Variants in MLLT3 observed in about 807,000 individuals in gnomAD.
MLLT3 encodes protein AF-9.
A neutral mutation model predicts 53.2 loss-of-function variants in MLLT3; 4 were observed. The observed-to-expected ratio is 0.08, with a 90% CI of 0.04 to 0.17. MLLT3 has a LOEUF of 0.17. Ranked by LOEUF, MLLT3 falls within the 10% of genes least tolerant of loss-of-function variation. MLLT3 has a pLI of 1.00. For synonymous variants in MLLT3, 283 were observed against 230.6 expected (o/e 1.23, Z -2.06); for missense variants, 569 against 684.0 (o/e 0.83, Z 1.87).
chr9:20,531,530 T>C (rs1009993296), intron 2 of MLLT3, among the ~76,000 whole-genome samples: 1 of 152,216 alleles, frequency 6.6e-6, no homozygotes, highest in Non-Finnish European at 1.5e-5. Context: ...TGAGATTTCA[T>C]CCTGCTGGCA....
At chr9:20,506,174 T>TC (rs937609910) in intron 2 of MLLT3, among the ~76,000 whole-genome samples, 1 of 151,888 alleles carries the variant, frequency 6.6e-6, no homozygotes, top group Non-Finnish European at 1.5e-5. Context: ...CCTGTCTCAG[T>TC]CCCCCAAGTA....
Position 20,400,361 on chromosome 9 carries a change from T to G in MLLT3, c.1125+13360A>C, listed in dbSNP as rs113295930. 4.6e-5 allele frequency among the ~76,000 whole-genome samples: 7 copies of G among 152,306 alleles called. 1 individual carries two copies. Among genetic ancestry groups the G allele is most frequent in the African/African-American group, 1.7e-4 (7 of 41,580 alleles). On this transcript the variant is annotated intron_variant, in intron 5 of 10. Coordinates refer to ENST00000380338, the MANE Select transcript of MLLT3 (RefSeq NM_004529.4). ...TACAAATTGCAAGATGTGAACTTTA[T>G]TTAGATTTCAATTCAAACAAAATGT...
At chr9:20,370,604 G>A (rs978268593) in intron 5 of MLLT3, among the ~76,000 whole-genome samples, 1 of 151,818 alleles carries the variant, frequency 6.6e-6, no homozygotes. Context: ...TCTGCCTTCC[G>A]GGTTCAAGCC....
At chr9:20,585,017 T>C (rs1468152794) in intron 2 of MLLT3, among the ~76,000 whole-genome samples, 2 of 152,238 alleles carry the variant, frequency 1.3e-5, no homozygotes, top group African/African-American at 4.8e-5. Flanking sequence ...CTCATTTGAG[T>C]AAATACTTTG....
chr9:20,497,876 T>A (rs1002548213), intron 2 of MLLT3, among the ~76,000 whole-genome samples: 3 of 152,162 alleles, frequency 2.0e-5, no homozygotes, highest in Non-Finnish European at 4.4e-5. Context: ...GAAAATTTTT[T>A]AAAAACTGTT....
rs75495627 is a variant in MLLT3 at position 20,587,106 on chromosome 9, C to T, written c.193+33548G>A. Among the ~76,000 whole-genome samples, 550 of 148,570 alleles carry T rather than the reference C, an allele frequency of 3.7e-3. 4 individuals carry two copies. Among genetic ancestry groups the T allele is most frequent in the African/African-American group, 0.012 (503 of 40,548 alleles). ...GCAGCTTAAAATAATGTTAATATACCAATTTCCCTTAGATTTTTTTAAACA... is the reference window on the plus strand; with the variant it reads ...GCAGCTTAAAATAATGTTAATATACTAATTTCCCTTAGATTTTTTTAAACA... On this transcript the variant is annotated intron_variant, in intron 2 of 10. Transcript: ENST00000380338.
At chr9:20,617,022 T>A (rs1460370837) in intron 2 of MLLT3, among the ~76,000 whole-genome samples, 1 of 152,178 alleles carries the variant, frequency 6.6e-6, no homozygotes, top group Non-Finnish European at 1.5e-5. Context: ...AGCTTTTAAG[T>A]GCCTTGGAAA....
chr9:20,565,938 TTATA>T (rs374764024), intron 2 of MLLT3, among the ~76,000 whole-genome samples: 5 of 12,558 alleles, frequency 4.0e-4, no homozygotes, highest in Admixed American at 1.2e-3. Flanking sequence ...ATATATATAT[TTATA>T]TATATATATA....
intron 10 of MLLT3, among the ~76,000 whole-genome samples, chr9:20,349,443 G>T (rs779830926): frequency 6.6e-6 from 1 of 151,170 alleles, no homozygotes; most frequent in Non-Finnish European, 1.5e-5. Flanking sequence ...TTTTCCTCTC[G>T]CCCCCAATGA....
chr9:20,537,319 G>A (rs1316658775), intron 2 of MLLT3, among the ~76,000 whole-genome samples: 1 of 152,048 alleles, frequency 6.6e-6, no homozygotes, highest in Non-Finnish European at 1.5e-5. Context: ...TAGAGTAGGG[G>A]GCAGAGTTAT....
intron 4 of MLLT3, among the ~76,000 whole-genome samples, chr9:20,447,310 C>T (rs193186041): frequency 6.6e-6 from 1 of 152,222 alleles, no homozygotes; most frequent in Non-Finnish European, 1.5e-5. Flanking sequence ...GCACAAAAAC[C>T]TTCCAGAGAA....
At chr9:20,591,783 G>T (rs1820136694) in intron 2 of MLLT3, among the ~76,000 whole-genome samples, 1 of 152,192 alleles carries the variant, frequency 6.6e-6, no homozygotes, top group Non-Finnish European at 1.5e-5. Flanking sequence ...ACAACCATGT[G>T]AAAGATGGTT....
chr9:20,591,892 G>C (rs148454641), intron 2 of MLLT3, among the ~76,000 whole-genome samples: 2 of 152,148 alleles, frequency 1.3e-5, no homozygotes, highest in South Asian at 2.1e-4. Flanking sequence ...AGCCAGGTAC[G>C]GTGGCACACT....
intron 10 of MLLT3, among the ~76,000 whole-genome samples, chr9:20,352,168 G>A (rs565322125): frequency 6.6e-6 from 1 of 152,228 alleles, no homozygotes; most frequent in East Asian, 1.9e-4. Context: ...CAATGGCCTA[G>A]TATCCTTGAC....
At chr9:20,363,796 A>G (rs1042829832) in intron 6 of MLLT3, among the ~76,000 whole-genome samples, 191 bp from the exon 7 acceptor site, 7 of 152,384 alleles carry the variant, frequency 4.6e-5, no homozygotes, top group East Asian at 1.9e-4. Context: ...TATTGTTTTC[A>G]TAATGGATTC....
intron 2 of MLLT3, among the ~76,000 whole-genome samples, chr9:20,581,388 C>T (rs948307326): frequency 2.6e-5 from 4 of 152,180 alleles, no homozygotes; most frequent in African/African-American, 9.7e-5. Context: ...TAAACACCAT[C>T]CACAGCAGTA....
chr9:20,409,575 T>C (rs1034872985), intron 5 of MLLT3, among the ~76,000 whole-genome samples: 10 of 152,184 alleles, frequency 6.6e-5, no homozygotes, highest in African/African-American at 2.4e-4. Context: ...CCCAAAGAGA[T>C]GAACTCCTAA....
Position 20,620,542 on chromosome 9 carries a change from T to C in MLLT3, c.193+112A>G. On this transcript the variant is annotated intron_variant, in intron 2 of 10. Transcript: ENST00000380338. This position sits in a 1 kb window ranked among gnomAD's most constrained non-coding sequence, Gnocchi z 6.1. ...GCGCCGCGCACCCGGATCCCGAGGC[T>C]ACGCCGGCGAGCGCGGCGCGGGGGG... 2 of 951,970 alleles carry C rather than the reference T, an allele frequency of 2.1e-6. No homozygotes were observed. The highest frequency in any genetic ancestry group is 1.4e-6 in the Non-Finnish European group (1 of 710,918). 59.0% of individuals were successfully genotyped at this position (951,970 alleles called of 1,614,324 possible). A position where few individuals can be genotyped will look rare whatever the true frequency, so the allele number is the denominator to read the frequency against.
intron 2 of MLLT3, among the ~76,000 whole-genome samples, chr9:20,543,184 T>C (rs1818687121): frequency 6.6e-6 from 1 of 152,220 alleles, no homozygotes; most frequent in Non-Finnish European, 1.5e-5. Flanking sequence ...AACATTCGAC[T>C]GTTCACTGAA....
Sources: allele counts gnomAD v4.1 joint callset (sites outside exome capture counted in the v4.1 genomes callset), GRCh38; gene constraint gnomAD v4.1.1; non-coding constraint Gnocchi (gnomAD v3.1); transcripts MANE v1.5; gene names NCBI Gene and HGNC (gene_info 2026-07-23, HGNC 2026-07-21).